The following STK32B variants were observed in gnomAD, a reference collection of about 807,000 sequenced individuals.
STK32B encodes the protein serine/threonine-protein kinase 32B.
Under a neutral mutation model 52.6 loss-of-function variants are expected in STK32B, and 43 were observed. That is an observed-to-expected ratio of 0.82 (90% CI 0.64 to 1.05). STK32B has a LOEUF of 1.05. Ranked by LOEUF, STK32B falls within the 50% of genes least tolerant of loss-of-function variation. The pLI is 0.00. For synonymous variants in STK32B, 238 were observed against 204.3 expected (o/e 1.17, Z -1.41); for missense variants, 621 against 534.6 (o/e 1.16, Z -1.59).
chr4:5,094,594 A>G (rs543754124), intron 1 of STK32B, among the ~76,000 whole-genome samples: 23 of 152,126 alleles, frequency 1.5e-4, no homozygotes, highest in Non-Finnish European at 3.1e-4. Context: ...GTTCAAGGCT[A>G]CAATGAGCTG....
intron 1 of STK32B, among the ~76,000 whole-genome samples, chr4:5,080,019 A>G (rs964837380): frequency 2.7e-5 from 4 of 149,072 alleles, no homozygotes; most frequent in Non-Finnish European, 5.9e-5. Context: ...TATAAGATCA[A>G]ACCGTTCTGG....
chr4:5,374,006 T>C (rs561123704), intron 4 of STK32B, among the ~76,000 whole-genome samples: 1 of 152,306 alleles, frequency 6.6e-6, no homozygotes, highest in African/African-American at 2.4e-5. Flanking sequence ...CATACTGGAT[T>C]ACAGTGAGCC....
chr4:5,084,629 T>G (rs1272505310), intron 1 of STK32B, among the ~76,000 whole-genome samples: 1 of 152,210 alleles, frequency 6.6e-6, no homozygotes, highest in Non-Finnish European at 1.5e-5. Context: ...ATTTTGTATT[T>G]CTTTAAATAT....
rs190580567 is a variant in STK32B, at chr4:5,361,534, G to C, written c.434+30141G>C. 4.3e-3 allele frequency among the ~76,000 whole-genome samples: 656 copies of C among 152,258 alleles called. 3 individuals are homozygous for C. The highest frequency in any genetic ancestry group is 8.1e-3 in the Non-Finnish European group (549 of 68,024). On this transcript the variant is annotated intron_variant, in intron 4 of 11. Transcript: ENST00000282908. ...CCATAGGTGTGTGCCATCATGCCCA[G>C]CTAATTTTTCTATAGAGATGGGGTC...
intron 6 of STK32B, among the ~76,000 whole-genome samples, chr4:5,434,197 G>T (rs1488483922): frequency 6.6e-6 from 1 of 152,138 alleles, no homozygotes. Flanking sequence ...AAGACAATGG[G>T]CAAGAAAGCA....
chr4:5,135,233 T>C (rs976298795), intron 1 of STK32B, among the ~76,000 whole-genome samples: 2 of 152,346 alleles, frequency 1.3e-5, no homozygotes, highest in Admixed American at 6.5e-5. Context: ...TAAGATACCA[T>C]GTACAACACT....
intron 1 of STK32B, among the ~76,000 whole-genome samples, chr4:5,137,554 G>A (rs1166650970): frequency 6.6e-6 from 1 of 152,202 alleles, no homozygotes; most frequent in Non-Finnish European, 1.5e-5. Flanking sequence ...AGGTTGTAGT[G>A]TGCCAGGCAT....
rs1434285483 is a variant in STK32B, at chr4:5,452,657, G to T, written c.667-4150G>T. Among the ~76,000 whole-genome samples, 3 of 151,876 alleles carry T rather than the reference G, an allele frequency of 2.0e-5. No homozygotes were observed. The East Asian group carries it at 5.8e-4, about 29-fold the overall frequency. ...CTGTGTTTGGGATTTTGAGTAAAAA[G>T]ATTTTGGGAAAAAAAAATTGGATTA... On this transcript the variant is annotated intron_variant, in intron 7 of 11. Coordinates refer to ENST00000282908, the MANE Select transcript of STK32B (RefSeq NM_018401.3).
chr4:5,152,279 G>A (rs1205944310), intron 2 of STK32B, among the ~76,000 whole-genome samples: 1 of 152,254 alleles, frequency 6.6e-6, no homozygotes, highest in Non-Finnish European at 1.5e-5. Flanking sequence ...AGGCAACTGA[G>A]TTAAACATGT....
chr4:5,490,540 T>C (rs943515020), intron 11 of STK32B, among the ~76,000 whole-genome samples: 6 of 152,202 alleles, frequency 3.9e-5, no homozygotes, highest in South Asian at 2.1e-4. Flanking sequence ...AGTTATTTTA[T>C]TATAGCAGAG....
chr4:5,325,085 C>T (rs1466988358), intron 3 of STK32B, among the ~76,000 whole-genome samples: 2 of 152,164 alleles, frequency 1.3e-5, no homozygotes, highest in Non-Finnish European at 2.9e-5. Flanking sequence ...GAGCATGACG[C>T]ACAGCCTCAT....
At chr4:5,160,449 G>T (rs980930102) in intron 2 of STK32B, among the ~76,000 whole-genome samples, 2 of 152,050 alleles carry the variant, frequency 1.3e-5, no homozygotes, top group African/African-American at 4.8e-5. Context: ...CCCTCTCCTG[G>T]TAACCCCCTT....
Position 5,460,889 on chromosome 4 carries a change from A to G in STK32B, c.909+661A>G, listed in dbSNP as rs191173339. Among the ~76,000 whole-genome samples the G allele has an allele frequency of 1.3e-5, 2 of 152,226 alleles. No individual in the cohort carries two copies. The highest frequency in any genetic ancestry group is 3.9e-4 in the East Asian group (2 of 5,186). On this transcript the variant is annotated intron_variant, in intron 9 of 11. Coordinates refer to ENST00000282908, the MANE Select transcript of STK32B (RefSeq NM_018401.3). The surrounding 1 kb of genome is among the most constrained non-coding windows in gnomAD (Gnocchi z 4.8). ...CACACCAAAAAGGCTTCCAGAGGCC[A>G]CGGTCAAAGTTTTAGGTTTTGTCCC...
At chr4:5,237,690 G>A (rs1724723942) in intron 3 of STK32B, among the ~76,000 whole-genome samples, 1 of 152,136 alleles carries the variant, frequency 6.6e-6, no homozygotes, top group South Asian at 2.1e-4. Flanking sequence ...CCACAGAGAT[G>A]CATATAGCCA....
chr4:5,372,351 C>T (rs149586113), intron 4 of STK32B, among the ~76,000 whole-genome samples: 2 of 152,198 alleles, frequency 1.3e-5, no homozygotes, highest in East Asian at 1.9e-4. Flanking sequence ...TCTGTCCAGC[C>T]GGGCTGTAGG....
intron 3 of STK32B, among the ~76,000 whole-genome samples, chr4:5,285,720 G>A (rs558354360): frequency 6.6e-6 from 1 of 152,156 alleles, no homozygotes; most frequent in Non-Finnish European, 1.5e-5. Flanking sequence ...TCCCTTATTA[G>A]TAGATAGATC....
intron 4 of STK32B, among the ~76,000 whole-genome samples, chr4:5,385,959 A>C (rs982710728): frequency 8.6e-5 from 1 of 11,646 alleles, no homozygotes; most frequent in Non-Finnish European, 1.6e-4. Flanking sequence ...AGCTCCACCC[A>C]CAGCCCCCAC....
At chr4:5,181,329 G>GACACACAC (rs751590603) in intron 3 of STK32B, among the ~76,000 whole-genome samples, 6,110 of 137,988 alleles carry the variant, frequency 0.044, 251 homozygotes, top group East Asian at 0.18. Flanking sequence ...TGGAGAGTGA[G>GACACACAC]ACACACACAC....
At chr4:5,285,273 G>A (rs967506226) in intron 3 of STK32B, among the ~76,000 whole-genome samples, 1 of 152,052 alleles carries the variant, frequency 6.6e-6, no homozygotes, top group African/African-American at 2.4e-5. Context: ...TTGAGTGTGG[G>A]GAGGGGGTTG....
Sources: gnomAD v4.1 joint callset for allele counts (sites outside exome capture counted in the v4.1 genomes callset) on GRCh38, gnomAD v4.1.1 for gene constraint, Gnocchi (gnomAD v3.1) non-coding constraint, MANE v1.5 for transcripts, NCBI Gene and HGNC (gene_info 2026-07-23, HGNC 2026-07-21) for gene names.